The following ZNG1F variants were observed in gnomAD, a reference collection of about 807,000 sequenced individuals.
ZNG1F encodes Zn regulated GTPase metalloprotein activator 1F.
At chr9:41,192,892 T>C in the ZNG1F span, among the ~76,000 whole-genome samples, 1 of 150,674 alleles carries the variant, frequency 6.6e-6, no homozygotes, top group African/African-American at 2.4e-5. Context: ...CAGTTTCTGA[T>C]GTAACTTAAA....
At chr9:41,160,430 GTT>G in the ZNG1F span, among the ~76,000 whole-genome samples, 1 of 17,402 alleles carries the variant, frequency 5.7e-5, no homozygotes, top group African/African-American at 1.1e-4. Context: ...TTGTTTGTTT[GTT>G]TTTTTTTTGA....
the ZNG1F span, among the ~76,000 whole-genome samples, chr9:41,192,929 T>A: frequency 6.6e-6 from 1 of 151,880 alleles, no homozygotes; most frequent in Non-Finnish European, 1.5e-5. Context: ...GCTTTGCTAT[T>A]TTGTCTCATT....
At chr9:41,169,100 A>G in the ZNG1F span, among the ~76,000 whole-genome samples, 1 of 147,608 alleles carries the variant, frequency 6.8e-6, no homozygotes, top group African/African-American at 2.5e-5. Flanking sequence ...GAAGAGATAA[A>G]TGTCCTCTTC....
chr9:41,132,339 C>A, the ZNG1F span: 3 of 1,604,546 alleles, frequency 1.9e-6, no homozygotes, highest in Non-Finnish European at 1.7e-6. Flanking sequence ...TGTGATTTGT[C>A]TTTGATTGAC....
the ZNG1F span, among the ~76,000 whole-genome samples, chr9:41,183,026 C>T: frequency 4.2e-5 from 2 of 48,096 alleles, no homozygotes; most frequent in Admixed American, 2.8e-4. Flanking sequence ...GTAAATGATG[C>T]CGAAGAGATT....
At chr9:41,134,196 A>T in the ZNG1F span, among the ~76,000 whole-genome samples, 9 of 146,720 alleles carry the variant, frequency 6.1e-5, no homozygotes, top group Middle Eastern at 3.5e-3. Flanking sequence ...AATTGGGGAA[A>T]ATAAGGGTCA....
the ZNG1F span, among the ~76,000 whole-genome samples, chr9:41,154,606 A>T: frequency 6.9e-6 from 1 of 145,422 alleles, no homozygotes; most frequent in African/African-American, 2.6e-5. Flanking sequence ...TTCAAACTAT[A>T]CTACAAGGCT....
chr9:41,152,197 C>T, the ZNG1F span, among the ~76,000 whole-genome samples: 1 of 137,766 alleles, frequency 7.3e-6, no homozygotes, highest in South Asian at 2.4e-4. Context: ...GCAGGGGTTG[C>T]AATCCTAGTC....
chr9:41,181,240 G>C, the ZNG1F span, among the ~76,000 whole-genome samples: 4 of 144,992 alleles, frequency 2.8e-5, no homozygotes, highest in African/African-American at 7.8e-5. Context: ...AAAGTATCAA[G>C]TTTTTGTCTA....
the ZNG1F span, among the ~76,000 whole-genome samples, chr9:41,204,683 C>T: frequency 2.2e-5 from 1 of 46,004 alleles, no homozygotes; most frequent in Non-Finnish European, 5.9e-5. Flanking sequence ...GTTAAAGTTA[C>T]AGGTATCCTC....
chr9:41,140,736 A>AT, the ZNG1F span, among the ~76,000 whole-genome samples: 32 of 139,940 alleles, frequency 2.3e-4, no homozygotes, highest in African/African-American at 3.8e-4. Flanking sequence ...AACTGAATAA[A>AT]TTTTTTTGAG....
the ZNG1F span, among the ~76,000 whole-genome samples, chr9:41,193,000 T>A: frequency 6.6e-6 from 1 of 151,850 alleles, no homozygotes; most frequent in African/African-American, 2.4e-5. Flanking sequence ...CCTAAGCATC[T>A]GATAGGCACT....
chr9:41,155,259 C>T, the ZNG1F span, among the ~76,000 whole-genome samples: 3 of 150,560 alleles, frequency 2.0e-5, no homozygotes, highest in Non-Finnish European at 3.0e-5. Flanking sequence ...AAAAAATGCT[C>T]ACCATCTCTG....
At chr9:41,174,325 T>A in the ZNG1F span, 1 of 1,582,538 alleles carries the variant, frequency 6.3e-7, no homozygotes, top group East Asian at 2.3e-5. Context: ...TAATTCGGCA[T>A]CAACCCAAAA....
the ZNG1F span, among the ~76,000 whole-genome samples, chr9:41,163,928 A>T: frequency 4.0e-5 from 5 of 125,436 alleles, no homozygotes; most frequent in East Asian, 9.6e-4. Context: ...TACCCTCCAC[A>T]TGGAGACATT....
chr9:41,187,151 A>G, the ZNG1F span, among the ~76,000 whole-genome samples: 1 of 147,060 alleles, frequency 6.8e-6, no homozygotes, highest in Admixed American at 7.0e-5. Flanking sequence ...ACTTTAAGAC[A>G]TAGTTCATTC....
chr9:41,183,062 A>G, the ZNG1F span, among the ~76,000 whole-genome samples: 1 of 51,122 alleles, frequency 2.0e-5, no homozygotes, highest in African/African-American at 8.6e-5. Flanking sequence ...CACAAAATTA[A>G]CAATACAAGT....
chr9:41,178,856 G>C, the ZNG1F span, among the ~76,000 whole-genome samples: 3 of 123,140 alleles, frequency 2.4e-5, 1 homozygote, highest in East Asian at 7.1e-4. Context: ...ATGAGCCACC[G>C]AGCCCGGCCA....
the ZNG1F span, chr9:41,183,575 G>A: frequency 9.4e-6 from 15 of 1,595,384 alleles, no homozygotes; most frequent in Non-Finnish European, 1.3e-5. Flanking sequence ...TCACTGAACA[G>A]CAGAGGCAAC....
Sources: gnomAD v4.1 joint callset for allele counts (sites outside exome capture counted in the v4.1 genomes callset) on GRCh38, gnomAD v4.1.1 for gene constraint, MANE v1.5 for transcripts, NCBI Gene and HGNC (gene_info 2026-07-23, HGNC 2026-07-21) for gene names.